Variants in SIPA1L3 observed in about 807,000 individuals in gnomAD.
SIPA1L3 encodes signal induced proliferation associated 1 like 3, also known as signal-induced proliferation-associated 1-like protein 3.
Under a neutral mutation model 150.1 loss-of-function variants are expected in SIPA1L3, and 59 were observed. The ratio of observed to expected loss-of-function variants is 0.39; its 90% confidence interval spans 0.32 to 0.49. The LOEUF is 0.49. SIPA1L3 is among the 20% of genes least tolerant of loss of function. SIPA1L3 has a pLI of 0.86. For missense variants in SIPA1L3, 2,211 were observed against 2,489.5 expected (o/e 0.89, Z 2.38); for synonymous variants, 1,070 against 1,077.6 (o/e 0.99, Z 0.14).
chr19:37,997,455 C>T (rs946245908), intron 1 of SIPA1L3, among the ~76,000 whole-genome samples: 1 of 150,582 alleles, frequency 6.6e-6, no homozygotes, highest in African/African-American at 2.4e-5. Context: ...GTAGTCTCAG[C>T]TACTCGGGAG....
intron 16 of SIPA1L3, among the ~76,000 whole-genome samples, chr19:38,190,287 G>T (rs1245239167): frequency 6.6e-6 from 1 of 152,202 alleles, no homozygotes; most frequent in Non-Finnish European, 1.5e-5. Flanking sequence ...ACTCCCCTGT[G>T]CAGGGCATTC....
intron 2 of SIPA1L3, among the ~76,000 whole-genome samples, chr19:38,058,879 C>T (rs1367411865): frequency 3.3e-5 from 5 of 152,060 alleles, no homozygotes; most frequent in African/African-American, 1.2e-4. Context: ...AGAAAATTAG[C>T]CAGGCGTGGT....
At chr19:38,178,535 G>A (rs193153910) in intron 15 of SIPA1L3, among the ~76,000 whole-genome samples, 119 of 152,264 alleles carry the variant, frequency 7.8e-4, no homozygotes, top group African/African-American at 2.7e-3. Flanking sequence ...GAGTGCAATG[G>A]TGCGATCTCG....
intron 2 of SIPA1L3, among the ~76,000 whole-genome samples, chr19:38,060,320 T>C (rs1257279918): frequency 6.6e-6 from 1 of 152,246 alleles, no homozygotes; most frequent in African/African-American, 2.4e-5. Flanking sequence ...AAAGCCCATT[T>C]TCCTTGATAA....
intron 1 of SIPA1L3, among the ~76,000 whole-genome samples, chr19:38,010,461 AG>A (rs1968071161): frequency 6.6e-6 from 1 of 151,254 alleles, no homozygotes; most frequent in African/African-American, 2.4e-5. Context: ...TTGTAATCCC[AG>A]CACTTTGGGA....
At chr19:37,988,641 A>C (rs1204065903) in intron 1 of SIPA1L3, among the ~76,000 whole-genome samples, 1 of 152,170 alleles carries the variant, frequency 6.6e-6, no homozygotes, top group Admixed American at 6.5e-5. Context: ...ACACCACTGC[A>C]CTCCAGCCTG....
rs566782618 is a variant in SIPA1L3 at position 38,076,432 on chromosome 19, G to A, written c.-310-4824G>A. Among the ~76,000 whole-genome samples, 31 of 152,144 alleles carry A rather than the reference G, an allele frequency of 2.0e-4. No homozygotes were observed. In the South Asian group the frequency reaches 4.4e-3, roughly 21 times the overall value. ...CACTGCACTACCGTCATAGTTTCGC[G>A]ACCACCTCCTGTTGCTACTGCGGTG... On this transcript the variant is annotated intron_variant, in intron 2 of 21. Coordinates refer to ENST00000222345, the MANE Select transcript of SIPA1L3 (RefSeq NM_015073.3).
intron 1 of SIPA1L3, among the ~76,000 whole-genome samples, chr19:38,008,966 C>T (rs1036644593): frequency 7.2e-5 from 11 of 152,146 alleles, no homozygotes; most frequent in African/African-American, 2.7e-4. Context: ...CACAAAATTT[C>T]TCCAGCTGTC....
intron 13 of SIPA1L3, among the ~76,000 whole-genome samples, chr19:38,155,113 C>G (rs1971914583): frequency 1.3e-5 from 2 of 152,184 alleles, no homozygotes; most frequent in African/African-American, 4.8e-5. Context: ...AATGACAAAG[C>G]ATCTTATACT....
chr19:38,036,625 G>A (rs2145731089), intron 2 of SIPA1L3, among the ~76,000 whole-genome samples: 1 of 152,334 alleles, frequency 6.6e-6, no homozygotes, highest in African/African-American at 2.4e-5. Flanking sequence ...TGATCACAGT[G>A]TCTCTGCTTT....
intron 1 of SIPA1L3, among the ~76,000 whole-genome samples, chr19:37,989,922 G>A (rs143486566): frequency 3.6e-4 from 55 of 152,254 alleles, no homozygotes; most frequent in African/African-American, 1.2e-3. Context: ...GCACTCAGTC[G>A]GGGTGCTGGG....
At chr19:38,088,276 G>C (rs1970183655) in intron 3 of SIPA1L3, among the ~76,000 whole-genome samples, 1 of 152,248 alleles carries the variant, frequency 6.6e-6, no homozygotes, top group African/African-American at 2.4e-5. Context: ...GTGTGAGGAG[G>C]CTCTCTAGAA....
chr19:38,143,476 C>T (rs1003714800), intron 12 of SIPA1L3, among the ~76,000 whole-genome samples: 8 of 151,196 alleles, frequency 5.3e-5, no homozygotes, highest in Non-Finnish European at 1.0e-4. Flanking sequence ...GGCTTCCAGC[C>T]TTCATCTCAC....
At chr19:37,910,861 G>A (rs1425564169) in intron 1 of SIPA1L3, among the ~76,000 whole-genome samples, 2 of 152,200 alleles carry the variant, frequency 1.3e-5, no homozygotes, top group East Asian at 3.9e-4. Flanking sequence ...CTCCCAAAGT[G>A]TTGAGATTAC....
intron 4 of SIPA1L3, among the ~76,000 whole-genome samples, chr19:38,097,952 G>A (rs896316381): frequency 5.3e-5 from 8 of 152,210 alleles, no homozygotes; most frequent in Non-Finnish European, 1.2e-4. Flanking sequence ...TCAGGACTGG[G>A]TTGGAATCTT....
intron 1 of SIPA1L3, among the ~76,000 whole-genome samples, chr19:38,028,410 T>C (rs922745247): frequency 6.6e-6 from 1 of 152,064 alleles, no homozygotes; most frequent in African/African-American, 2.4e-5. Context: ...TCTGGAAGGC[T>C]CTTTCCCAGG....
intron 2 of SIPA1L3, among the ~76,000 whole-genome samples, chr19:38,058,166 T>C (rs1969364952): frequency 6.6e-6 from 1 of 152,154 alleles, no homozygotes; most frequent in South Asian, 2.1e-4. Context: ...CTGGCCTGGG[T>C]TGCAGTCCCG....
intron 1 of SIPA1L3, among the ~76,000 whole-genome samples, chr19:37,919,857 T>G (rs2046443720): frequency 6.6e-6 from 1 of 151,744 alleles, no homozygotes; most frequent in African/African-American, 2.4e-5. Flanking sequence ...ATTATAGGCA[T>G]GCGCCACCAT....
At position 38,164,977 on chromosome 19, in the gene SIPA1L3, G is replaced by A; in HGVS notation, c.4208+71G>A. Reference sequence around the variant, plus strand: ...CCAGTTCTACTTTTACGGTCCTGATGGTGGGGTTCTCCTCCCCAGAAACAC... The same window carrying A: ...CCAGTTCTACTTTTACGGTCCTGATAGTGGGGTTCTCCTCCCCAGAAACAC... On this transcript the variant is annotated intron_variant, in intron 15 of 21. Coordinates refer to ENST00000222345, the MANE Select transcript of SIPA1L3 (RefSeq NM_015073.3). This position sits in a 1 kb window ranked among gnomAD's most constrained non-coding sequence, Gnocchi z 4.1. 1 of 1,384,944 alleles carries A rather than the reference G, an allele frequency of 7.2e-7. No individual in the cohort carries two copies. Among genetic ancestry groups the A allele is most frequent in the Non-Finnish European group, 9.6e-7 (1 of 1,042,928 alleles). 85.8% of individuals were successfully genotyped at this position (1,384,944 alleles called of 1,614,324 possible).
Sources: allele counts gnomAD v4.1 joint callset (sites outside exome capture counted in the v4.1 genomes callset), GRCh38; gene constraint gnomAD v4.1.1; non-coding constraint Gnocchi (gnomAD v3.1); transcripts MANE v1.5; gene names NCBI Gene and HGNC (gene_info 2026-07-23, HGNC 2026-07-21).